DNAJB5: variants seen among roughly 807,000 people sequenced by gnomAD.
The protein encoded by DNAJB5 is dnaJ homolog subfamily B member 5.
In DNAJB5, 12 loss-of-function variants were observed where a neutral mutation model predicts 32.6. The observed-to-expected ratio is 0.37, with a 90% CI of 0.24 to 0.60. DNAJB5 has a LOEUF of 0.60. DNAJB5 is among the 20% of genes least tolerant of loss of function. The pLI, the probability that DNAJB5 is intolerant of heterozygous loss-of-function variation, is 0.71. For synonymous variants in DNAJB5, 188 were observed against 212.9 expected (o/e 0.88, Z 1.02); for missense variants, 358 against 554.2 (o/e 0.65, Z 3.55).
intron 2 of DNAJB5, chr9:34,991,072 C>A: frequency 1.9e-6 from 1 of 531,930 alleles, no homozygotes; most frequent in Non-Finnish European, 3.4e-6. Flanking sequence ...TTCAACCCAT[C>A]ATTAACCCAT....
At position 34,993,269 on chromosome 9, in the gene DNAJB5, A is replaced by G. The variant is rs767798459; in HGVS notation, c.252A>G (p.Pro84=). The change falls in exon 3 of 5, where the codon CCA becomes CCG. Residue 84 remains proline, a synonymous_variant. Coordinates refer to ENST00000682809, the MANE Select transcript of DNAJB5 (RefSeq NM_001349723.3). The surrounding 1 kb of genome is among the most constrained non-coding windows in gnomAD (Gnocchi z 4.7). ...ATTATTACAAGATTCTTGGGATCCC[A>G]TCGGGGGCCAACGAGGATGAGATCA... ...GKDYYKILGI[P]SGANEDEIKK... is the part of the protein sequence containing the mutation. The G allele has an allele frequency of 4.2e-5, 67 of 1,614,078 alleles. No individual in the cohort carries two copies. Among genetic ancestry groups the G allele is most frequent in the Non-Finnish European group, 5.5e-5 (65 of 1,180,050 alleles).
intron 3 of DNAJB5, among the ~76,000 whole-genome samples, chr9:34,995,560 ATGTC>A (rs1408981182): frequency 6.6e-6 from 1 of 152,216 alleles, no homozygotes; most frequent in African/African-American, 2.4e-5. Flanking sequence ...ATTGTAGTCT[ATGTC>A]TGTACAATGT....
rs1024622689 is a variant in DNAJB5, at chr9:34,990,010, G to A, written c.-133+179G>A. Among the ~76,000 whole-genome samples the A allele has an allele frequency of 4.0e-5, 6 of 149,668 alleles. No individual in the cohort carries two copies. Among genetic ancestry groups the A allele is most frequent in the Non-Finnish European group, 5.9e-5 (4 of 67,320 alleles). On this transcript the variant is annotated intron_variant, in intron 1 of 4. Coordinates refer to ENST00000682809, the MANE Select transcript of DNAJB5 (RefSeq NM_001349723.3). This position sits in a 1 kb window ranked among gnomAD's most constrained non-coding sequence, Gnocchi z 4.5. ...GACCAGGGCTTGGCTGTCACAGGGG[G>A]CAGCCAGCGTCTGAGTCGGGGAGGG...
intron 2 of DNAJB5, chr9:34,992,807 G>A: frequency 9.6e-7 from 1 of 1,037,252 alleles, no homozygotes; most frequent in South Asian, 3.6e-5. Flanking sequence ...ACGATGCTCA[G>A]GTGACCTCAC....
rs925589309 is a variant in DNAJB5, at chr9:34,990,140, C to G, written c.-133+309C>G. The G allele has an allele frequency of 2.7e-6, 2 of 751,040 alleles. No individual in the cohort carries two copies. Among genetic ancestry groups the G allele is most frequent in the Non-Finnish European group, 4.0e-6 (2 of 495,262 alleles). The allele number at this position is 751,040 out of a possible 1,614,324, so 46.5% of individuals were successfully genotyped here. On this transcript the variant is annotated intron_variant, in intron 1 of 4. Transcript: ENST00000682809. This position sits in a 1 kb window ranked among gnomAD's most constrained non-coding sequence, Gnocchi z 4.5. ...CAGCGCGGGTGACATCACCGACCACCCTCCCCCGCCCGAGCCCCCTCCCCT... is the reference window on the plus strand; with the variant it reads ...CAGCGCGGGTGACATCACCGACCACGCTCCCCCGCCCGAGCCCCCTCCCCT...
rs941650913 is a variant in DNAJB5 at position 34,990,588 on chromosome 9, C to T, written c.-43C>T. ...GCTTCCAGAGCTGCAGCACTTCAGG[C>T]CGGCTCCGGTGGAGCGATCAGAGGT... On this transcript the variant is annotated 5_prime_UTR_variant, in exon 2 of 5. Transcript: ENST00000682809. The surrounding 1 kb of genome is among the most constrained non-coding windows in gnomAD (Gnocchi z 4.5). The T allele has an allele frequency of 6.4e-7, 1 of 1,551,302 alleles. No individual in the cohort carries two copies.
intron 2 of DNAJB5, chr9:34,992,526 C>G (rs910875488): frequency 1.3e-5 from 2 of 152,382 alleles, no homozygotes; most frequent in Admixed American, 6.5e-5. Flanking sequence ...TGTCGCCCCC[C>G]CTGCTAATGA....
In DNAJB5 at chr9:34,991,676, C is replaced by G. The variant is rs530025096; in HGVS notation, c.182+864C>G. The G allele has an allele frequency of 4.6e-5, 12 of 259,492 alleles. 2 individuals carry two copies. Among genetic ancestry groups the G allele is most frequent in the Admixed American group, 2.1e-4 (4 of 19,364 alleles). 16.1% of individuals were successfully genotyped at this position (259,492 alleles called of 1,614,324 possible). ...CATTTCCGAAAACGGTTGCCCCCCC[C>G]CCCAACGAGGTGCTCTTTCTTCTCT... is the stretch of plus-strand genomic sequence containing the variant. On this transcript the variant is annotated intron_variant, in intron 2 of 4. Transcript: ENST00000682809.
Position 34,996,988 on chromosome 9 carries a change from C to A in DNAJB5, c.1030-38C>A, listed in dbSNP as rs1404236992. 3.7e-6 allele frequency: 6 copies of A among 1,606,600 alleles called. No homozygotes were observed. Among genetic ancestry groups the A allele is most frequent in the Non-Finnish European group, 5.1e-6 (6 of 1,178,718 alleles). On this transcript the variant is annotated intron_variant, in intron 4 of 4. Transcript: ENST00000682809. The surrounding 1 kb of genome is among the most constrained non-coding windows in gnomAD (Gnocchi z 7.2). Reference sequence around the variant, plus strand: ...ATTTCCTTCCTTCCCACTCACCTTACCCCACCTTTTCCTCACTTTCTGCTT... The same window carrying A: ...ATTTCCTTCCTTCCCACTCACCTTAACCCACCTTTTCCTCACTTTCTGCTT...
rs1827714408 is a variant in DNAJB5 at position 34,993,579 on chromosome 9, A to G, written c.427+135A>G. 1 of 1,181,936 alleles carries G rather than the reference A, an allele frequency of 8.5e-7. No individual in the cohort carries two copies. Among genetic ancestry groups the G allele is most frequent in the African/African-American group, 1.5e-5 (1 of 64,754 alleles). The allele number at this position is 1,181,936 out of a possible 1,614,324, so 73.2% of individuals were successfully genotyped here. On this transcript the variant is annotated intron_variant, in intron 3 of 4. Coordinates refer to ENST00000682809, the MANE Select transcript of DNAJB5 (RefSeq NM_001349723.3). The surrounding 1 kb of genome is among the most constrained non-coding windows in gnomAD (Gnocchi z 4.7). ...GCAAGGGTTTCCAGCACTGTCACCC[A>G]GAGAAGAGAGAAGCCCACCCACTAC... is the stretch of plus-strand genomic sequence containing the variant.
In DNAJB5 at chr9:34,991,625, G is replaced by A. The variant is rs1056578829; in HGVS notation, c.182+813G>A. 4.8e-5 allele frequency: 5 copies of A among 104,558 alleles called. 1 individual carries two copies. Among genetic ancestry groups the A allele is most frequent in the African/African-American group, 4.6e-4 (4 of 8,790 alleles). 6.5% of individuals were successfully genotyped at this position (104,558 alleles called of 1,614,324 possible). On this transcript the variant is annotated intron_variant, in intron 2 of 4. Coordinates refer to ENST00000682809, the MANE Select transcript of DNAJB5 (RefSeq NM_001349723.3). ...CAGAAATGGCAGACCACCCCCCCCC[G>A]CTCCCTCTCAGACGGCTTTTGCTGC...
In DNAJB5 at chr9:34,993,254, G is replaced by A. The variant is rs1827702093; in HGVS notation, c.237G>A (p.Lys79=). 1 of 1,614,142 alleles carries A rather than the reference G, an allele frequency of 6.2e-7. No individual in the cohort carries two copies. The highest frequency in any genetic ancestry group is 8.5e-7 in the Non-Finnish European group (1 of 1,180,020). The change falls in exon 3 of 5, where the codon AAG becomes AAA. Residue 79 remains lysine, a synonymous_variant. Coordinates refer to ENST00000682809, the MANE Select transcript of DNAJB5 (RefSeq NM_001349723.3). The surrounding 1 kb of genome is among the most constrained non-coding windows in gnomAD (Gnocchi z 4.7). The part of the protein sequence containing the change: ...PVAVMGKDYY[K]ILGIPSGANE... Reference sequence around the variant, plus strand: ...CTGTGATGGGAAAAGATTATTACAAGATTCTTGGGATCCCATCGGGGGCCA... The same window carrying A: ...CTGTGATGGGAAAAGATTATTACAAAATTCTTGGGATCCCATCGGGGGCCA...
chr9:34,990,337 A>T lies in DNAJB5; in HGVS notation c.-132-162A>T. On this transcript the variant is annotated intron_variant, in intron 1 of 4. Coordinates refer to ENST00000682809, the MANE Select transcript of DNAJB5 (RefSeq NM_001349723.3). This position sits in a 1 kb window ranked among gnomAD's most constrained non-coding sequence, Gnocchi z 4.5. ...CTGCCTCTCGGGCCCTCACAATCAC[A>T]CCTGTCACAGGTATACACGCTGCCA... 1 of 1,474,140 alleles carries T rather than the reference A, an allele frequency of 6.8e-7. No individual in the cohort carries two copies. Among genetic ancestry groups the T allele is most frequent in the South Asian group, 1.2e-5 (1 of 82,504 alleles). 91.3% of individuals were successfully genotyped at this position (1,474,140 alleles called of 1,614,324 possible).
chr9:34,997,146 C>T lies in DNAJB5; in HGVS notation c.1150C>T (p.Pro384Ser). 6.2e-7 allele frequency: 1 copy of T among 1,614,162 alleles called. No individual in the cohort carries two copies. Among genetic ancestry groups the T allele is most frequent in the Non-Finnish European group, 8.5e-7 (1 of 1,180,030 alleles). The change falls in exon 5 of 5, where the codon CCC becomes TCC. Residue 384 changes from proline (P) to serine (S), a missense_variant. By Grantham distance (74) the Pro-to-Ser change is moderately conservative. Coordinates refer to ENST00000682809, the MANE Select transcript of DNAJB5 (RefSeq NM_001349723.3). The surrounding 1 kb of genome is among the most constrained non-coding windows in gnomAD (Gnocchi z 4.1). ...ACTCCGTGGGGAGGGCCTTCCCTTC[C>T]CCAAAGTGCCAACTCAGCGAGGAGA... ...KRLRGEGLPF[P>S]KVPTQRGDLI...
At position 34,993,018 on chromosome 9, in the gene DNAJB5, C is replaced by A. The variant is rs2132978000; in HGVS notation, c.183-182C>A. On this transcript the variant is annotated intron_variant, in intron 2 of 4. Coordinates refer to ENST00000682809, the MANE Select transcript of DNAJB5 (RefSeq NM_001349723.3). This position sits in a 1 kb window ranked among gnomAD's most constrained non-coding sequence, Gnocchi z 4.7. ...ACGGAATCACAGAATTCTAGAATGT[C>A]AGAGCCAGAAGAGATCATCTAGTCC... 1 of 1,422,090 alleles carries A rather than the reference C, an allele frequency of 7.0e-7. No homozygotes were observed. Among genetic ancestry groups the A allele is most frequent in the East Asian group, 2.5e-5 (1 of 39,460 alleles). The allele number at this position is 1,422,090 out of a possible 1,614,324, so 88.1% of individuals were successfully genotyped here. A position where few individuals can be genotyped will look rare whatever the true frequency, so the allele number is the denominator to read the frequency against.
intron 2 of DNAJB5, chr9:34,992,867 G>A (rs1375168737): frequency 1.5e-5 from 18 of 1,163,182 alleles, no homozygotes; most frequent in Non-Finnish European, 1.6e-5. Context: ...CTCAGTCCAT[G>A]GTGCCACCTC....
At position 34,993,128 on chromosome 9, in the gene DNAJB5, A is replaced by T; in HGVS notation, c.183-72A>T. On this transcript the variant is annotated intron_variant, in intron 2 of 4. Transcript: ENST00000682809. This position sits in a 1 kb window ranked among gnomAD's most constrained non-coding sequence, Gnocchi z 4.7. ...AGGTTACCCAGGGAGTCATTTAGGG[A>T]TTGCAAGATCATCAGGAACAGGGCT... The T allele has an allele frequency of 6.6e-7, 1 of 1,513,310 alleles. No homozygotes were observed. The highest frequency in any genetic ancestry group is 1.3e-5 in the South Asian group (1 of 75,306). 93.7% of individuals were successfully genotyped at this position (1,513,310 alleles called of 1,614,324 possible).
In DNAJB5 at chr9:34,993,457, C is replaced by T. The variant is rs1033687756; in HGVS notation, c.427+13C>T. The T allele has an allele frequency of 6.9e-6, 11 of 1,604,160 alleles. No homozygotes were observed. The highest frequency in any genetic ancestry group is 1.7e-4 in the Middle Eastern group (1 of 5,738). ...TATGGGGAGGAAGGTAAGAGGGCAG[C>T]ACTCCAGCCCAATCCCGGACCCCTC... is the stretch of plus-strand genomic sequence containing the variant. On this transcript the variant is annotated intron_variant, in intron 3 of 4. Coordinates refer to ENST00000682809, the MANE Select transcript of DNAJB5 (RefSeq NM_001349723.3). The surrounding 1 kb of genome is among the most constrained non-coding windows in gnomAD (Gnocchi z 4.7).
At chr9:34,995,004 A>G (rs1587499923) in intron 3 of DNAJB5, among the ~76,000 whole-genome samples, 2 of 152,074 alleles carry the variant, frequency 1.3e-5, no homozygotes, top group African/African-American at 2.4e-5. Context: ...CCTTCCCATC[A>G]TCATCAGTCC....
Sources: allele counts gnomAD v4.1 joint callset (sites outside exome capture counted in the v4.1 genomes callset), GRCh38; gene constraint gnomAD v4.1.1; non-coding constraint Gnocchi (gnomAD v3.1); transcripts MANE v1.5; gene names NCBI Gene and HGNC (gene_info 2026-07-23, HGNC 2026-07-21).